Variants in CFAP54 observed in about 807,000 individuals in gnomAD.
CFAP54 encodes the protein cilia and flagella associated protein 54.
Under a neutral mutation model 370.4 loss-of-function variants are expected in CFAP54, and 290 were observed. The ratio of observed to expected loss-of-function variants is 0.78; its 90% CI spans 0.71 to 0.86. CFAP54 has a LOEUF of 0.86. Among genes scored for constraint, CFAP54 ranks in the 40% least tolerant of loss-of-function variants. The pLI is 0.00. For synonymous variants in CFAP54, 1,206 were observed against 1,236.5 expected, an observed-to-expected ratio of 0.98 and a Z score of 0.52; for missense variants, 3,399 against 3,528.7, an observed-to-expected ratio of 0.96 and a Z score of 0.93.
At chr12:96,669,334 C>T (rs1158853917) in intron 39 of CFAP54, among the ~76,000 whole-genome samples, 1 of 152,202 alleles carries the variant, frequency 6.6e-6, no homozygotes, top group Non-Finnish European at 1.5e-5. Context: ...ATTCTTTTCA[C>T]TTGATCTTAG....
At chr12:96,731,846 T>C (rs1017681819) in intron 50 of CFAP54, among the ~76,000 whole-genome samples, 1 of 152,058 alleles carries the variant, frequency 6.6e-6, no homozygotes, top group African/African-American at 2.4e-5. Context: ...TTCAGCAATA[T>C]GTGGTATTAA....
chr12:96,754,853 C>T (rs919413633), intron 56 of CFAP54, among the ~76,000 whole-genome samples: 3 of 152,092 alleles, frequency 2.0e-5, no homozygotes, highest in East Asian at 1.9e-4. Flanking sequence ...AAGCAATTCT[C>T]CTTCCTCAGC....
chr12:96,580,775 T>A (rs1444568773), intron 21 of CFAP54, 86 bp downstream of exon 21: 3 of 1,120,074 alleles, frequency 2.7e-6, no homozygotes, highest in Admixed American at 6.2e-5. Flanking sequence ...TTGGTGAATC[T>A]CTCTAATTTC....
At position 96,771,734 on chromosome 12, in the gene CFAP54, G is replaced by T. The variant is rs531168504; in HGVS notation, c.8281+6516G>T. 1.1e-4 allele frequency among the ~76,000 whole-genome samples: 16 copies of T among 152,314 alleles called. No individual in the cohort carries two copies. In the South Asian group the frequency reaches 3.3e-3, roughly 32 times the overall value. ...AGGTTGTAATTCACACCACCTGAAT[G>T]ATACATGGAAATTGGCATTTTAAAT... On this transcript the variant is annotated intron_variant, in intron 60 of 67. Transcript: ENST00000524981.
intron 58 of CFAP54, among the ~76,000 whole-genome samples, chr12:96,760,750 A>G (rs1958326964): frequency 1.3e-5 from 2 of 152,048 alleles, no homozygotes; most frequent in South Asian, 2.1e-4. Context: ...ACCCAGTATA[A>G]TGTTTCATAG....
intron 1 of CFAP54, among the ~76,000 whole-genome samples, chr12:96,492,189 C>A (rs1196092234): frequency 6.6e-6 from 1 of 152,224 alleles, no homozygotes; most frequent in African/African-American, 2.4e-5. Context: ...CTATCCTTCA[C>A]CTAGCAGTCA....
At chr12:96,612,176 TAAC>T in intron 26 of CFAP54, among the ~76,000 whole-genome samples, 1 of 152,324 alleles carries the variant, frequency 6.6e-6, no homozygotes, top group East Asian at 1.9e-4. Flanking sequence ...CCCATCAGAC[TAAC>T]AGTGGATCTC....
In CFAP54 at chr12:96,504,033, A is replaced by T. The variant is rs1290570043; in HGVS notation, c.567+4A>T. On this transcript the variant is annotated splice_donor_region_variant and intron_variant, in intron 3 of 67. Transcript: ENST00000524981. ...AGATAAAACTGCTGGACTTACAGTA[A>T]GATGAAAGAGCAGCTGAAATAGCTA... The T allele has an allele frequency of 6.7e-7, 1 of 1,500,248 alleles. No homozygotes were observed. The highest frequency in any genetic ancestry group is 8.8e-7 in the Non-Finnish European group (1 of 1,135,370). The allele number at this position is 1,500,248 out of a possible 1,614,324, so 92.9% of individuals were successfully genotyped here. A position where few individuals can be genotyped will look rare whatever the true frequency, so the allele number is the denominator to read the frequency against.
At chr12:96,738,767 C>T (rs994470986) in intron 50 of CFAP54, among the ~76,000 whole-genome samples, 8 of 152,062 alleles carry the variant, frequency 5.3e-5, no homozygotes, top group African/African-American at 1.2e-4. Context: ...CGTGCCACCA[C>T]GCCTGGCTAA....
rs1212702690 is a variant in CFAP54 at position 96,693,722 on chromosome 12, G to A, written c.6265G>A (p.Val2089Ile). 5.7e-6 allele frequency: 9 copies of A among 1,566,684 alleles called. No homozygotes were observed. The highest frequency in any genetic ancestry group is 7.9e-6 in the Non-Finnish European group (9 of 1,143,864). The change falls in exon 45 of 68, where the codon GTT (valine) becomes ATT (isoleucine). Residue 2089 changes from valine to isoleucine, a missense_variant and splice_region_variant. This residue lies in a region of CFAP54 where 2,796 missense variants were observed against 2,869.7 expected (regional missense o/e 0.97). Coordinates refer to ENST00000524981, the MANE Select transcript of CFAP54 (RefSeq NM_001306084.2). The stretch of plus-strand genomic sequence containing the variant: ...ACAAAGAGTGTTTTTCTCCTGATAG[G>A]TTCTGCCTCTCCTTGCATTGTATCA... ...ELHFVRQNLI[V>I]LPLLALYQYF... is the part of the protein sequence containing the mutation.
chr12:96,750,528 G>A (rs988335064), intron 55 of CFAP54, among the ~76,000 whole-genome samples: 1 of 152,078 alleles, frequency 6.6e-6, no homozygotes, highest in Admixed American at 6.5e-5. Flanking sequence ...CCTTTATAAA[G>A]TTAGGCTGAC....
chr12:96,556,371 A>AG (rs2136402762), intron 17 of CFAP54, among the ~76,000 whole-genome samples: 1 of 152,080 alleles, frequency 6.6e-6, no homozygotes, highest in Non-Finnish European at 1.5e-5. Flanking sequence ...ACCTAGGAGA[A>AG]ATATTTGCAA....
At chr12:96,796,127 G>A (rs375278413) in intron 63 of CFAP54, among the ~76,000 whole-genome samples, 1 of 152,324 alleles carries the variant, frequency 6.6e-6, no homozygotes. Flanking sequence ...GGCACTCACA[G>A]TTTTGGCTAT....
chr12:96,546,888 G>A (rs772343339), intron 14 of CFAP54, among the ~76,000 whole-genome samples: 1 of 151,958 alleles, frequency 6.6e-6, no homozygotes, highest in Non-Finnish European at 1.5e-5. Context: ...TAGTTACTGT[G>A]GGGGAGATTA....
At chr12:96,828,049 A>T (rs1436126260) in intron 65 of CFAP54, among the ~76,000 whole-genome samples, 1 of 128,052 alleles carries the variant, frequency 7.8e-6, no homozygotes, top group Non-Finnish European at 1.6e-5. Context: ...ATAATTATAT[A>T]TTAATATATT....
intron 12 of CFAP54, among the ~76,000 whole-genome samples, chr12:96,537,225 A>G (rs780509215): frequency 1.3e-5 from 2 of 152,172 alleles, no homozygotes; most frequent in Non-Finnish European, 2.9e-5. Context: ...ATTATGGCTC[A>G]TCAGTTGACA....
intron 63 of CFAP54, 58 bp from the exon 64 acceptor site, chr12:96,811,678 T>G: frequency 1.1e-6 from 1 of 889,400 alleles, no homozygotes; most frequent in Non-Finnish European, 1.6e-6. Context: ...TGCTGTAGTT[T>G]TTGAGCTAAA....
At chr12:96,824,761 C>G (rs1176928636) in intron 65 of CFAP54, among the ~76,000 whole-genome samples, 1 of 152,160 alleles carries the variant, frequency 6.6e-6, no homozygotes, top group Middle Eastern at 3.2e-3. Context: ...GCTGATTTCT[C>G]TGTCTCTTTC....
At chr12:96,666,479 A>G (rs1469496845) in intron 39 of CFAP54, among the ~76,000 whole-genome samples, 1 of 152,254 alleles carries the variant, frequency 6.6e-6, no homozygotes, top group African/African-American at 2.4e-5. Flanking sequence ...ATGAATTCAC[A>G]GTTCCAGATG....
Sources: allele counts gnomAD v4.1 joint callset (sites outside exome capture counted in the v4.1 genomes callset), GRCh38; gene constraint gnomAD v4.1.1; regional missense constraint gnomAD v4.1.1; transcripts MANE v1.5; gene names NCBI Gene and HGNC (gene_info 2026-07-23, HGNC 2026-07-21).